Variants in SOX8 observed in about 807,000 individuals in gnomAD.
The protein encoded by SOX8 is SRY-box transcription factor 8.
SOX8 carries 9 observed loss-of-function variants against 22.9 expected under a neutral mutation model. That is an observed-to-expected ratio of 0.39 (90% CI 0.24 to 0.69). SOX8 has a LOEUF of 0.69. SOX8 is among the 30% of genes least tolerant of loss of function. The pLI, the probability that SOX8 is intolerant of heterozygous loss-of-function variation, is 0.43. For missense variants in SOX8, 734 were observed against 699.4 expected (o/e 1.05, Z -0.56); for synonymous variants, 416 against 330.6 (o/e 1.26, Z -2.80).
chr16:985,816 C>T lies in SOX8; in HGVS notation c.*430C>T, dbSNP rs1310086224. 2 of 168,242 alleles carry T rather than the reference C, an allele frequency of 1.2e-5. No individual in the cohort carries two copies. The highest frequency in any genetic ancestry group is 1.3e-5 in the Non-Finnish European group (1 of 79,536). 10.4% of individuals were successfully genotyped at this position (168,242 alleles called of 1,614,324 possible). A position where few individuals can be genotyped will look rare whatever the true frequency, so the allele number is the denominator to read the frequency against. ...GCCCCTGCACTCAAGGCCACATTCC[C>T]TCGACAACGGCTGCACGGGCTGTCC... On this transcript the variant is annotated 3_prime_UTR_variant, in exon 3 of 3. Coordinates refer to ENST00000293894, the MANE Select transcript of SOX8 (RefSeq NM_014587.5).
chr16:981,861 G>A lies in SOX8; in HGVS notation c.-62G>A, dbSNP rs2073389318. The A allele has an allele frequency of 9.5e-6, 10 of 1,057,768 alleles. No individual in the cohort carries two copies. The highest frequency in any genetic ancestry group is 1.2e-5 in the Non-Finnish European group (10 of 863,412). 65.5% of individuals were successfully genotyped at this position (1,057,768 alleles called of 1,614,324 possible). ...CCTCGGGTCCCGGAGCGACCGCAGG[G>A]CAGCCCCGGGCGCCGGCCCCGGTGC... On this transcript the variant is annotated 5_prime_UTR_variant, in exon 1 of 3. Coordinates refer to ENST00000293894, the MANE Select transcript of SOX8 (RefSeq NM_014587.5).
Position 985,683 on chromosome 16 carries a change from T to C in SOX8, c.*297T>C. On this transcript the variant is annotated 3_prime_UTR_variant, in exon 3 of 3. Coordinates refer to ENST00000293894, the MANE Select transcript of SOX8 (RefSeq NM_014587.5). ...GGACTGGCGGCACCAGCACCTTCGCTTTGCATCTCGGTAGAGGAGAAACGG... is the reference window on the plus strand; with the variant it reads ...GGACTGGCGGCACCAGCACCTTCGCCTTGCATCTCGGTAGAGGAGAAACGG... The C allele has an allele frequency of 2.6e-6, 1 of 389,292 alleles. No homozygotes were observed. The highest frequency in any genetic ancestry group is 5.1e-5 in the South Asian group (1 of 19,480). 24.1% of individuals were successfully genotyped at this position (389,292 alleles called of 1,614,324 possible). A position where few individuals can be genotyped will look rare whatever the true frequency, so the allele number is the denominator to read the frequency against.
rs1003908849 is a variant in SOX8 at position 984,823 on chromosome 16, G to A, written c.778G>A (p.Asp260Asn). The A allele has an allele frequency of 5.0e-6, 8 of 1,611,908 alleles. No homozygotes were observed. Among genetic ancestry groups the A allele is most frequent in the Admixed American group, 1.7e-5 (1 of 59,952 alleles). Residue 260 changes from aspartate (D) to asparagine (N), a missense_variant, in exon 3 of 3, where the codon GAC becomes AAC. Transcript: ENST00000293894. ...RPVDSGRQNI[D>N]FSNVDISELS... is the part of the protein sequence containing the mutation. ...GGTGGACAGCGGGCGCCAGAACATC[G>A]ACTTCAGCAACGTGGACATCTCGGA...
chr16:985,500 A>G lies in SOX8; in HGVS notation c.*114A>G. 2 of 866,862 alleles carry G rather than the reference A, an allele frequency of 2.3e-6. No individual in the cohort carries two copies. Among genetic ancestry groups the G allele is most frequent in the Admixed American group, 3.0e-5 (1 of 33,142 alleles). The allele number at this position is 866,862 out of a possible 1,614,324, so 53.7% of individuals were successfully genotyped here. On this transcript the variant is annotated 3_prime_UTR_variant, in exon 3 of 3. Transcript: ENST00000293894. ...TGGCTGAGCTCCAAGTGCCTGCTGA[A>G]GTCTGCAGGGAAACACGCTTGCTGC... is the stretch of plus-strand genomic sequence containing the variant.
rs2073441547 is a variant in SOX8 at position 984,891 on chromosome 16, C to G, written c.846C>G (p.Val282=). ...TGGGCACCATGGACGCCTTCGACGT[C>G]CACGAGTTCGACCAGTACCTGCCCC... ...EVMGTMDAFD[V]HEFDQYLPLG... The change falls in exon 3 of 3, where the codon GTC becomes GTG. Residue 282 remains valine, a synonymous_variant. Coordinates refer to ENST00000293894, the MANE Select transcript of SOX8 (RefSeq NM_014587.5). 1.2e-6 allele frequency: 2 copies of G among 1,610,802 alleles called. No individual in the cohort carries two copies. The highest frequency in any genetic ancestry group is 1.7e-6 in the Non-Finnish European group (2 of 1,178,878).
At position 982,060 on chromosome 16, in the gene SOX8, G is replaced by A. The variant is rs992606634; in HGVS notation, c.138G>A (p.Gly46=). ...PAGSEGLGRA[G]VAVGGARGDP... ...GCTCCGAGGGCCTGGGCCGCGCGGG[G>A]GTCGCGGTGGGGGGCGCCCGGGGCG... The change falls in exon 1 of 3, where the codon GGG becomes GGA. Residue 46 remains glycine, a synonymous_variant. Coordinates refer to ENST00000293894, the MANE Select transcript of SOX8 (RefSeq NM_014587.5). 12 of 1,296,452 alleles carry A rather than the reference G, an allele frequency of 9.3e-6. No individual in the cohort carries two copies. The highest frequency in any genetic ancestry group is 1.1e-5 in the Non-Finnish European group (11 of 1,031,558). 80.3% of individuals were successfully genotyped at this position (1,296,452 alleles called of 1,614,324 possible). A position where few individuals can be genotyped will look rare whatever the true frequency, so the allele number is the denominator to read the frequency against.
Position 983,849 on chromosome 16 carries a change from G to C in SOX8, c.544G>C (p.Gly182Arg). Reference sequence around the variant, plus strand: ...ACGGCGCAGGAAGAGCGCCAAAGCCGGCCACAGCGACTCCGACTCGGGCGC... The same window carrying C: ...ACGGCGCAGGAAGAGCGCCAAAGCCCGCCACAGCGACTCCGACTCGGGCGC... ...QPRRRKSAKAGHSDSDSGAEL... is the reference protein window; with the variant it reads ...QPRRRKSAKARHSDSDSGAEL... The change falls in exon 2 of 3, where the codon GGC (glycine) becomes CGC (arginine). Residue 182 changes from glycine to arginine, a missense_variant. Gly to Arg is a moderately radical substitution (Grantham distance 125). Coordinates refer to ENST00000293894, the MANE Select transcript of SOX8 (RefSeq NM_014587.5). 1 of 1,612,618 alleles carries C rather than the reference G, an allele frequency of 6.2e-7. No individual in the cohort carries two copies. Among genetic ancestry groups the C allele is most frequent in the South Asian group, 1.1e-5 (1 of 91,052 alleles).
At chr16:983,618 G>A in intron 1 of SOX8, 110 bp from the exon 2 acceptor site, 1 of 1,038,828 alleles carries the variant, frequency 9.6e-7, no homozygotes, top group Non-Finnish European at 1.4e-6. Flanking sequence ...GGTTTCCCTG[G>A]TCAGAGCCTC....
intron 1 of SOX8, chr16:982,612 G>A: frequency 2.7e-6 from 1 of 369,042 alleles, no homozygotes; most frequent in Non-Finnish European, 4.8e-6. Flanking sequence ...TCTGGAGCCA[G>A]TTCTCCTGGC....
rs2073389813 is a variant in SOX8 at position 981,871 on chromosome 16, G to A, written c.-52G>A. The stretch of plus-strand genomic sequence containing the variant: ...CGGAGCGACCGCAGGGCAGCCCCGG[G>A]CGCCGGCCCCGGTGCGCGTCTCCTG... On this transcript the variant is annotated 5_prime_UTR_variant, in exon 1 of 3. Transcript: ENST00000293894. The A allele has an allele frequency of 9.0e-6, 10 of 1,111,072 alleles. No homozygotes were observed. The Middle Eastern group carries it at 1.5e-3, about 169-fold the overall frequency. 68.8% of individuals were successfully genotyped at this position (1,111,072 alleles called of 1,614,324 possible).
chr16:984,506 G>A (rs542850037), intron 2 of SOX8, among the ~76,000 whole-genome samples, 195 bp from the exon 3 acceptor site: 3 of 152,332 alleles, frequency 2.0e-5, no homozygotes, highest in East Asian at 1.9e-4. Flanking sequence ...ATAGCACAGC[G>A]CTTCATGGAA....
intron 2 of SOX8, among the ~76,000 whole-genome samples, 157 bp from the exon 3 acceptor site, chr16:984,544 G>C (rs2073437184): frequency 6.6e-6 from 1 of 152,234 alleles, no homozygotes; most frequent in African/African-American, 2.4e-5. Flanking sequence ...TGAGGTCTAG[G>C]TCTGACTTTG....
In SOX8 at chr16:984,758, C is replaced by G. The variant is rs776026609; in HGVS notation, c.713C>G (p.Ala238Gly). 6.3e-7 allele frequency: 1 copy of G among 1,596,148 alleles called. No individual in the cohort carries two copies. Among genetic ancestry groups the G allele is most frequent in the Admixed American group, 1.7e-5 (1 of 58,600 alleles). ...ACCCCCAAGACGGAGCTGCAGCAGGCGGGCGCCAAGCCGGAGCTGAAGCTG... is the reference window on the plus strand; with the variant it reads ...ACCCCCAAGACGGAGCTGCAGCAGGGGGGCGCCAAGCCGGAGCTGAAGCTG... ...PTTPKTELQQAGAKPELKLEG... is the reference protein window; with the variant it reads ...PTTPKTELQQGGAKPELKLEG... The change falls in exon 3 of 3, where the codon GCG becomes GGG. Residue 238 changes from alanine (A) to glycine (G), a missense_variant. Physicochemically the swap from Ala to Gly is moderately conservative, Grantham distance 60. This residue lies in a region of SOX8 where 588 missense variants were observed against 568.2 expected (regional missense o/e 1.03). Coordinates refer to ENST00000293894, the MANE Select transcript of SOX8 (RefSeq NM_014587.5).
At chr16:983,682 G>A in intron 1 of SOX8, 46 bp from the exon 2 acceptor site, 2 of 1,568,762 alleles carry the variant, frequency 1.3e-6, no homozygotes, top group Non-Finnish European at 1.7e-6. Flanking sequence ...TGCGCCGAGG[G>A]CACAGTGGGC....
intron 2 of SOX8, among the ~76,000 whole-genome samples, chr16:984,323 G>A (rs899146030): frequency 2.0e-5 from 3 of 152,330 alleles, no homozygotes; most frequent in Admixed American, 6.5e-5. Context: ...GAGTCCTGCC[G>A]GGGCCTCGGT....
At position 983,819 on chromosome 16, in the gene SOX8, C is replaced by A. The variant is rs750144008; in HGVS notation, c.514C>A (p.Gln172Lys). Residue 172 changes from glutamine (Q) to lysine (K), a missense_variant, in exon 2 of 3, where the codon CAG becomes AAG. Transcript: ENST00000293894. ...HKKDHPDYKY[Q>K]PRRRKSAKAG... ...GAAGGACCACCCCGACTACAAGTAC[C>A]AGCCACGGCGCAGGAAGAGCGCCAA... The A allele has an allele frequency of 6.8e-6, 11 of 1,612,874 alleles. No individual in the cohort carries two copies. Among genetic ancestry groups the A allele is most frequent in the Non-Finnish European group, 9.3e-6 (11 of 1,179,838 alleles).
rs114531733 is a variant in SOX8 at position 982,568 on chromosome 16, G to T, written c.422+224G>T. The T allele has an allele frequency of 9.9e-4, 435 of 437,642 alleles. 2 individuals are homozygous for T. The highest frequency in any genetic ancestry group is 7.8e-3 in the African/African-American group (381 of 49,110). 27.1% of individuals were successfully genotyped at this position (437,642 alleles called of 1,614,324 possible). A position where few individuals can be genotyped will look rare whatever the true frequency, so the allele number is the denominator to read the frequency against. On this transcript the variant is annotated intron_variant, in intron 1 of 2. Coordinates refer to ENST00000293894, the MANE Select transcript of SOX8 (RefSeq NM_014587.5). ...TGGGAGTCGGGATCCGCGGAGGGCA[G>T]CGCCTGGGGTGTGCACCCTCGTGGC...
Position 986,094 on chromosome 16 carries a change from C to G in SOX8, c.*708C>G, listed in dbSNP as rs548825457. ...TTTATCTTTAATTAATGAGGTAATT[C>G]GGGCAAAGAGTAGAATTTAAGACAA... On this transcript the variant is annotated 3_prime_UTR_variant, in exon 3 of 3. Coordinates refer to ENST00000293894, the MANE Select transcript of SOX8 (RefSeq NM_014587.5). The G allele has an allele frequency of 6.6e-6, 1 of 152,140 alleles. No individual in the cohort carries two copies. The highest frequency in any genetic ancestry group is 1.5e-5 in the Non-Finnish European group (1 of 68,040). 9.4% of individuals were successfully genotyped at this position (152,140 alleles called of 1,614,324 possible).
Position 984,817 on chromosome 16 carries a change from A to T in SOX8, c.772A>T (p.Asn258Tyr). Residue 258 changes from asparagine (N) to tyrosine (Y), a missense_variant, in exon 3 of 3, where the codon AAC (asparagine) becomes TAC (tyrosine). By Grantham distance (143) the Asn-to-Tyr change is moderately radical. Around this residue, in one of 3 missense-constraint regions of SOX8, gnomAD observed 588 missense variants for 568.2 expected, o/e 1.03. Transcript: ENST00000293894. ...CCGGCCGGTGGACAGCGGGCGCCAG[A>T]ACATCGACTTCAGCAACGTGGACAT... The part of the protein sequence containing the change: ...GRRPVDSGRQ[N>Y]IDFSNVDISE... 1 of 1,612,038 alleles carries T rather than the reference A, an allele frequency of 6.2e-7. No individual in the cohort carries two copies. The highest frequency in any genetic ancestry group is 1.3e-5 in the African/African-American group (1 of 74,934).
Sources: allele counts gnomAD v4.1 joint callset (sites outside exome capture counted in the v4.1 genomes callset), GRCh38; gene constraint gnomAD v4.1.1; regional missense constraint gnomAD v4.1.1; transcripts MANE v1.5; gene names NCBI Gene and HGNC (gene_info 2026-07-23, HGNC 2026-07-21).